PCNX2: variants seen among roughly 807,000 people sequenced by gnomAD.
PCNX2 encodes pecanex-like protein 2.
A neutral mutation model predicts 223.8 loss-of-function variants in PCNX2; 168 were observed. The ratio of observed to expected loss-of-function variants is 0.75; its 90% CI spans 0.66 to 0.85. The LOEUF (loss-of-function observed/expected upper bound fraction) is 0.85, where lower values mean the gene tolerates loss of function less well. Among genes scored for constraint, PCNX2 ranks in the 40% least tolerant of loss-of-function variants. The pLI is 0.00. For missense variants in PCNX2, 2,507 were observed against 2,675.5 expected, an observed-to-expected ratio of 0.94 and a Z score of 1.39; for synonymous variants, 1,006 against 1,052.6, an observed-to-expected ratio of 0.96 and a Z score of 0.86.
intron 17 of PCNX2, among the ~76,000 whole-genome samples, chr1:233,161,685 T>C (rs1188903143): frequency 2.6e-5 from 4 of 152,100 alleles, no homozygotes; most frequent in African/African-American, 9.7e-5. Context: ...GTAAGGTTCT[T>C]GTATCTGATC....
rs1303179892 is a variant in PCNX2, at chr1:233,095,655, T to C, written c.3946+100A>G. 5 of 1,085,420 alleles carry C rather than the reference T, an allele frequency of 4.6e-6. No homozygotes were observed. In the African/African-American group the frequency reaches 4.7e-5, roughly 10 times the overall value. The allele number at this position is 1,085,420 out of a possible 1,614,324, so 67.2% of individuals were successfully genotyped here. A position where few individuals can be genotyped will look rare whatever the true frequency, so the allele number is the denominator to read the frequency against. On this transcript the variant is annotated intron_variant, in intron 22 of 33. Coordinates refer to ENST00000258229, the MANE Select transcript of PCNX2 (RefSeq NM_014801.4). ...ATGTCCCCATTAAAATGTAATCTTA[T>C]AGACTTTAAAATCTTTTTATTGCCA...
intron 23 of PCNX2, among the ~76,000 whole-genome samples, chr1:233,063,235 TCAACAA>T (rs138283953): frequency 6.6e-6 from 1 of 151,788 alleles, no homozygotes; most frequent in African/African-American, 2.4e-5. Context: ...GACTCTGTCT[TCAACAA>T]CAACAACAAC....
the PCNX2 span, among the ~76,000 whole-genome samples, chr1:233,314,292 A>C: frequency 2.0e-5 from 3 of 152,182 alleles, no homozygotes; most frequent in South Asian, 6.2e-4. Context: ...TATTTCTGGA[A>C]AGATACAAAT....
chr1:233,117,225 C>T (rs1188570572), intron 21 of PCNX2, among the ~76,000 whole-genome samples: 1 of 152,168 alleles, frequency 6.6e-6, no homozygotes, highest in Non-Finnish European at 1.5e-5. Flanking sequence ...AGAATTAATG[C>T]CAATTCCACA....
Position 233,159,665 on chromosome 1 carries a change from G to A in PCNX2, c.3517+618C>T, listed in dbSNP as rs143495668. Among the ~76,000 whole-genome samples the A allele has an allele frequency of 5.8e-4, 88 of 152,314 alleles. 2 individuals are homozygous for A. The East Asian group carries it at 0.012, about 20-fold the overall frequency. On this transcript the variant is annotated intron_variant, in intron 19 of 33. Coordinates refer to ENST00000258229, the MANE Select transcript of PCNX2 (RefSeq NM_014801.4). ...GAAAGATCTAGCAGAAAAATTTCTAGAAGACTTCTTATCTAGAAGAAATCT... is the reference window on the plus strand; with the variant it reads ...GAAAGATCTAGCAGAAAAATTTCTAAAAGACTTCTTATCTAGAAGAAATCT...
At chr1:233,243,180 A>G (rs771389965) in intron 8 of PCNX2, among the ~76,000 whole-genome samples, 1 of 152,200 alleles carries the variant, frequency 6.6e-6, no homozygotes, top group Non-Finnish European at 1.5e-5. Context: ...TGGAAGTTAC[A>G]TTACTAACAA....
At position 233,252,404 on chromosome 1, in the gene PCNX2, A is replaced by C. The variant is rs765953682; in HGVS notation, c.2078T>G (p.Val693Gly). ...AGCATCCACAGATATCTCTTCTTGT[A>C]CAGATGTTTCAGGCCCACTGATGAC... is the stretch of plus-strand genomic sequence containing the variant. ...LQVISGPETS[V>G]QEEISVDAMH... The change falls in exon 7 of 34, where the codon GTA becomes GGA. Residue 693 changes from valine to glycine, a missense_variant. Physicochemically the swap from Val to Gly is moderately radical, Grantham distance 109 (BLOSUM62 -3). Transcript: ENST00000258229. 2 of 1,613,716 alleles carry C rather than the reference A, an allele frequency of 1.2e-6. No homozygotes were observed. The highest frequency in any genetic ancestry group is 2.7e-5 in the African/African-American group (2 of 74,938).
intron 17 of PCNX2, among the ~76,000 whole-genome samples, chr1:233,173,694 G>A (rs1171404799): frequency 2.0e-5 from 3 of 152,118 alleles, no homozygotes; most frequent in African/African-American, 7.2e-5. Context: ...ATCAGGTTAT[G>A]TCTATCTCCA....
At chr1:233,112,666 C>G (rs1675179488) in intron 21 of PCNX2, among the ~76,000 whole-genome samples, 1 of 152,210 alleles carries the variant, frequency 6.6e-6, no homozygotes, top group South Asian at 2.1e-4. Flanking sequence ...TTCGTAAATA[C>G]TTCTTTGATG....
chr1:233,040,444 C>T (rs1281877104), intron 25 of PCNX2, among the ~76,000 whole-genome samples: 3 of 152,212 alleles, frequency 2.0e-5, no homozygotes, highest in Non-Finnish European at 4.4e-5. Context: ...TTCCTTGCCT[C>T]TCTATAAATT....
At chr1:233,116,714 T>C (rs953948665) in intron 21 of PCNX2, among the ~76,000 whole-genome samples, 1 of 151,826 alleles carries the variant, frequency 6.6e-6, no homozygotes, top group Non-Finnish European at 1.5e-5. Context: ...AAGTCTCAAA[T>C]TGATAACAAC....
intron 8 of PCNX2, chr1:233,241,043 G>T: frequency 2.0e-6 from 1 of 503,164 alleles, no homozygotes; most frequent in Non-Finnish European, 2.6e-6. Context: ...GGCACAAGGC[G>T]CATAGAGGGA....
At chr1:233,319,155 T>C in the PCNX2 span, among the ~76,000 whole-genome samples, 11 of 152,284 alleles carry the variant, frequency 7.2e-5, no homozygotes, top group Admixed American at 4.6e-4. Flanking sequence ...AGACCCTCGA[T>C]GGCAAGGACA....
chr1:233,128,430 G>T (rs760970686), intron 21 of PCNX2, among the ~76,000 whole-genome samples: 1 of 152,132 alleles, frequency 6.6e-6, no homozygotes, highest in Non-Finnish European at 1.5e-5. Context: ...CGCCTCTGGG[G>T]TGCAAGCAAT....
chr1:233,119,603 A>C (rs1198054159), intron 21 of PCNX2, among the ~76,000 whole-genome samples: 3 of 149,756 alleles, frequency 2.0e-5, no homozygotes, highest in Admixed American at 2.0e-4. Context: ...AAAAACAAAA[A>C]CAAAAACAAA....
the PCNX2 span, among the ~76,000 whole-genome samples, chr1:233,315,169 A>C: frequency 6.6e-6 from 1 of 152,220 alleles, no homozygotes; most frequent in Non-Finnish European, 1.5e-5. Flanking sequence ...GAGCAGTCAT[A>C]GCTGGTATGT....
intron 21 of PCNX2, among the ~76,000 whole-genome samples, chr1:233,115,213 T>C (rs916201327): frequency 6.6e-6 from 1 of 151,420 alleles, no homozygotes; most frequent in East Asian, 1.9e-4. Context: ...TTTGGAAACA[T>C]TTGTGAAGGT....
Position 232,990,169 on chromosome 1 carries a change from T to C in PCNX2, c.5792-3629A>G, listed in dbSNP as rs1444390026. Among the ~76,000 whole-genome samples the C allele has an allele frequency of 2.0e-5, 3 of 152,202 alleles. No individual in the cohort carries two copies. On this transcript the variant is annotated intron_variant, in intron 32 of 33. Transcript: ENST00000258229. The surrounding 1 kb of genome is among the most constrained non-coding windows in gnomAD (Gnocchi z 4.3). ...GTTATCCTCACATCCCTGAAGGGAA[T>C]GATGGCCTGCTGGGAATGGCAGGTA...
chr1:233,174,568 G>A (rs529030388), intron 17 of PCNX2, among the ~76,000 whole-genome samples: 6 of 151,582 alleles, frequency 4.0e-5, no homozygotes, highest in African/African-American at 1.5e-4. Flanking sequence ...TAGCAGCATG[G>A]GACCAGAAAA....
Sources: allele counts gnomAD v4.1 joint callset (sites outside exome capture counted in the v4.1 genomes callset), GRCh38; gene constraint gnomAD v4.1.1; non-coding constraint Gnocchi (gnomAD v3.1); transcripts MANE v1.5; gene names NCBI Gene and HGNC (gene_info 2026-07-23, HGNC 2026-07-21).